Variants in PIP5K1B observed in about 807,000 individuals in gnomAD.
PIP5K1B encodes phosphatidylinositol 4-phosphate 5-kinase type-1 beta.
Under a neutral mutation model 67.0 loss-of-function variants are expected in PIP5K1B, and 42 were observed. That is an observed-to-expected ratio of 0.63 (90% CI 0.49 to 0.81). The LOEUF (loss-of-function observed/expected upper bound fraction) is 0.81. Ranked by LOEUF, PIP5K1B falls within the 30% of genes least tolerant of loss-of-function variation. The probability of loss-of-function intolerance (pLI) is 0.00; values close to 1 mark genes in which losing one functional copy is unlikely to be tolerated. For synonymous variants in PIP5K1B, 214 were observed against 231.4 expected, an observed-to-expected ratio of 0.92 and a Z score of 0.68; for missense variants, 459 against 646.3, an observed-to-expected ratio of 0.71 and a Z score of 3.14.
rs143778889 is a variant in PIP5K1B at position 68,979,205 on chromosome 9, T to G, written c.1503-11935T>G. On this transcript the variant is annotated intron_variant, in intron 14 of 15. Coordinates refer to ENST00000265382, the MANE Select transcript of PIP5K1B (RefSeq NM_003558.4). ...TCAAGGCAATATGTGTAGGACAGGT[T>G]ACTCCAGTCAGACCTACGTTCAAAT... Among the ~76,000 whole-genome samples, 312 of 152,346 alleles carry G rather than the reference T, an allele frequency of 2.0e-3. 1 individual carries two copies. The highest frequency in any genetic ancestry group is 7.2e-3 in the African/African-American group (298 of 41,588).
At chr9:68,988,807 A>G (rs1041024316) in intron 14 of PIP5K1B, among the ~76,000 whole-genome samples, 7 of 152,028 alleles carry the variant, frequency 4.6e-5, no homozygotes, top group Non-Finnish European at 1.0e-4. Flanking sequence ...CTTAAGATCT[A>G]CACAATTTGT....
chr9:68,756,766 T>C (rs772213903), intron 2 of PIP5K1B, among the ~76,000 whole-genome samples: 1 of 152,212 alleles, frequency 6.6e-6, no homozygotes, highest in African/African-American at 2.4e-5. Flanking sequence ...TAGAACAGCA[T>C]TGTCTGATAC....
At chr9:68,877,177 C>T (rs528686421) in intron 6 of PIP5K1B, among the ~76,000 whole-genome samples, 1 of 152,240 alleles carries the variant, frequency 6.6e-6, no homozygotes, top group Admixed American at 6.5e-5. Context: ...CCTTGGCCCA[C>T]AATCATTTCA....
At chr9:68,864,116 T>C in intron 5 of PIP5K1B, 149 bp downstream of exon 5, 1 of 652,118 alleles carries the variant, frequency 1.5e-6, no homozygotes, top group Non-Finnish European at 2.6e-6. Flanking sequence ...GTCCAAATGA[T>C]GTTTACTTCC....
At chr9:68,886,539 G>C (rs544638132) in intron 6 of PIP5K1B, among the ~76,000 whole-genome samples, 1 of 152,160 alleles carries the variant, frequency 6.6e-6, no homozygotes, top group African/African-American at 2.4e-5. Flanking sequence ...CTGCTGCACC[G>C]AGTTTTACAG....
chr9:68,779,958 C>T (rs966478451), intron 2 of PIP5K1B: 4 of 589,208 alleles, frequency 6.8e-6, no homozygotes, highest in African/African-American at 3.9e-5. Flanking sequence ...CGCCCCTCCC[C>T]TACCACTGCC....
chr9:68,795,554 A>G (rs1380304565), intron 2 of PIP5K1B, among the ~76,000 whole-genome samples: 1 of 152,224 alleles, frequency 6.6e-6, no homozygotes, highest in African/African-American at 2.4e-5. Flanking sequence ...ATGTTTATTA[A>G]TGGTGATAGA....
chr9:68,809,275 C>A (rs1474210413), intron 2 of PIP5K1B, among the ~76,000 whole-genome samples: 1 of 147,216 alleles, frequency 6.8e-6, no homozygotes, highest in African/African-American at 2.5e-5. Flanking sequence ...CTTTCTCCTG[C>A]TTTTTGTTGT....
intron 1 of PIP5K1B, among the ~76,000 whole-genome samples, chr9:68,731,128 T>G (rs1266687640): frequency 1.3e-5 from 2 of 152,244 alleles, no homozygotes; most frequent in Non-Finnish European, 2.9e-5. Context: ...GGTCATGTGT[T>G]ATGGTCAAGT....
chr9:68,865,872 A>G (rs1184347606), intron 5 of PIP5K1B, among the ~76,000 whole-genome samples: 8 of 152,264 alleles, frequency 5.3e-5, no homozygotes. Context: ...GGCCTCGCCC[A>G]TGACTTTCCA....
intron 2 of PIP5K1B, among the ~76,000 whole-genome samples, chr9:68,770,368 C>G (rs1830619615): frequency 6.6e-6 from 1 of 152,214 alleles, no homozygotes; most frequent in East Asian, 1.9e-4. Context: ...CTCTTCCTCT[C>G]TTTTCCTGCC....
chr9:68,883,000 TTC>T (rs759410734), intron 6 of PIP5K1B, among the ~76,000 whole-genome samples: 20 of 152,232 alleles, frequency 1.3e-4, no homozygotes, highest in Non-Finnish European at 2.5e-4. Context: ...GGCCGTGTGC[TTC>T]TCTCACCTGT....
At chr9:68,859,520 G>A in intron 4 of PIP5K1B, among the ~76,000 whole-genome samples, 1 of 152,238 alleles carries the variant, frequency 6.6e-6, no homozygotes, top group African/African-American at 2.4e-5. Flanking sequence ...GGAGTCAAAG[G>A]TTCCCCTTGG....
intron 1 of PIP5K1B, among the ~76,000 whole-genome samples, chr9:68,725,303 G>T (rs117556345): frequency 6.6e-6 from 1 of 152,080 alleles, no homozygotes; most frequent in Non-Finnish European, 1.5e-5. Context: ...ACTTTGGTGC[G>T]CCCTGGTCAA....
chr9:69,007,271 T>C (rs889190907), intron 15 of PIP5K1B, among the ~76,000 whole-genome samples: 3 of 152,230 alleles, frequency 2.0e-5, no homozygotes, highest in African/African-American at 7.2e-5. Flanking sequence ...TCAAACTTTT[T>C]ACTCAAGTTT....
intron 2 of PIP5K1B, among the ~76,000 whole-genome samples, chr9:68,765,317 G>C (rs778900322): frequency 1.3e-5 from 2 of 152,058 alleles, no homozygotes; most frequent in Non-Finnish European, 2.9e-5. Context: ...AGATGAAACT[G>C]TGTCATAAAA....
At chr9:68,997,384 G>C (rs562212153) in intron 15 of PIP5K1B, among the ~76,000 whole-genome samples, 149 of 152,298 alleles carry the variant, frequency 9.8e-4, no homozygotes, top group African/African-American at 3.6e-3. Context: ...GCTTCAAGGG[G>C]TGTTTATTTG....
At chr9:68,889,506 A>G (rs937704702) in intron 7 of PIP5K1B, among the ~76,000 whole-genome samples, 19 of 152,066 alleles carry the variant, frequency 1.2e-4, no homozygotes, top group African/African-American at 4.1e-4. Flanking sequence ...AGGCCGAGGC[A>G]GGCAGATCAC....
chr9:68,914,975 A>G (rs1457123370), intron 8 of PIP5K1B, among the ~76,000 whole-genome samples: 1 of 152,244 alleles, frequency 6.6e-6, no homozygotes, highest in Admixed American at 6.5e-5. Flanking sequence ...CTCTTGAGCT[A>G]GTGTGAGGGA....
Sources: gnomAD v4.1 joint callset for allele counts (sites outside exome capture counted in the v4.1 genomes callset) on GRCh38, gnomAD v4.1.1 for gene constraint, MANE v1.5 for transcripts, NCBI Gene and HGNC (gene_info 2026-07-23, HGNC 2026-07-21) for gene names.